G6PC1: variants seen among roughly 807,000 people sequenced by gnomAD.
G6PC1 encodes the protein glucose-6-phosphatase catalytic subunit 1, also known as G-6-Pase.
G6PC1 carries 23 observed loss-of-function variants against 30.4 expected under a neutral mutation model. That is an observed-to-expected ratio of 0.76 (90% CI 0.55 to 1.07). The LOEUF is 1.07. Ranked by LOEUF, G6PC1 falls within the 50% of genes least tolerant of loss-of-function variation. The probability of loss-of-function intolerance (pLI) is 0.00; values close to 1 mark genes in which losing one functional copy is unlikely to be tolerated. For missense variants in G6PC1, 391 were observed against 433.9 expected (o/e 0.90, Z 0.88); for synonymous variants, 163 against 175.6 (o/e 0.93, Z 0.57).
chr17:42,905,443 TACACACACACAC>T (rs748185736), intron 2 of G6PC1, among the ~76,000 whole-genome samples: 9 of 87,926 alleles, frequency 1.0e-4, no homozygotes, highest in African/African-American at 2.2e-4. Context: ...TATATATATA[TACACACACACAC>T]ACACACACAC....
chr17:42,905,429 A>AATAT (rs1555559451), intron 2 of G6PC1, among the ~76,000 whole-genome samples: 25 of 120,862 alleles, frequency 2.1e-4, no homozygotes, highest in African/African-American at 8.2e-4. Context: ...AAAAAAAAAA[A>AATAT]ATATATATAT....
Position 42,913,449 on chromosome 17 carries a change from T to TTTC in G6PC1, c.*2024_*2026dup, listed in dbSNP as rs1283919859. 6.6e-6 allele frequency: 1 copy of TTTC among 152,210 alleles called. No individual in the cohort carries two copies. Among genetic ancestry groups the TTTC allele is most frequent in the East Asian group, 1.9e-4 (1 of 5,204 alleles). The allele number at this position is 152,210 out of a possible 1,614,324, so 9.4% of individuals were successfully genotyped here. A position where few individuals can be genotyped will look rare whatever the true frequency, so the allele number is the denominator to read the frequency against. The stretch of plus-strand genomic sequence containing the variant: ...TAATTTGGTTTCTCTGTGCCTGCAT[T>TTTC]TTCCCTTTGGAGAAGAAAAGTGCTC... On this transcript the variant is annotated 3_prime_UTR_variant, in exon 5 of 5. Transcript: ENST00000253801.
At chr17:42,910,815 G>A in intron 4 of G6PC1, 100 bp from the exon 5 acceptor site, 1 of 1,141,736 alleles carries the variant, frequency 8.8e-7, no homozygotes. Flanking sequence ...TAATTCCACA[G>A]TCGCAGAACG....
chr17:42,903,526 C>A (rs1261895431), intron 1 of G6PC1, among the ~76,000 whole-genome samples: 4 of 151,272 alleles, frequency 2.6e-5, no homozygotes, highest in Admixed American at 6.6e-5. Flanking sequence ...CCAGCCTGGG[C>A]AACATGGTGA....
At chr17:42,904,200 A>C (rs1203085790) in intron 2 of G6PC1, 160 bp downstream of exon 2, 4 of 674,402 alleles carry the variant, frequency 5.9e-6, no homozygotes, top group Admixed American at 2.1e-5. Flanking sequence ...ACTTTCCTGA[A>C]TAGCACAGTA....
intron 2 of G6PC1, among the ~76,000 whole-genome samples, chr17:42,906,547 G>T (rs2151930818): frequency 6.6e-6 from 1 of 152,212 alleles, no homozygotes. Context: ...GCACATCTCA[G>T]GACCCTCTAT....
intron 2 of G6PC1, among the ~76,000 whole-genome samples, chr17:42,905,415 G>GAAAAAA (rs1241281428): frequency 3.3e-4 from 16 of 48,932 alleles, no homozygotes; most frequent in African/African-American, 1.2e-3. Context: ...GACACCATCT[G>GAAAAAA]AAAAAAAAAA....
At chr17:42,901,193 A>T in intron 1 of G6PC1, 87 bp downstream of exon 1, 1 of 1,174,958 alleles carries the variant, frequency 8.5e-7, no homozygotes, top group Non-Finnish European at 1.3e-6. Flanking sequence ...TGCTTTCCCC[A>T]GGCTATTCAG....
chr17:42,908,903 T>C (rs796820231), intron 3 of G6PC1, among the ~76,000 whole-genome samples: 9 of 151,628 alleles, frequency 5.9e-5, no homozygotes, highest in African/African-American at 1.9e-4. Flanking sequence ...GAGATGGGGT[T>C]TCACCTGTTG....
rs987462071 is a variant in G6PC1, at chr17:42,909,346, C to G, written c.490C>G (p.Leu164Val). The G allele has an allele frequency of 1.2e-6, 2 of 1,614,192 alleles. No homozygotes were observed. The highest frequency in any genetic ancestry group is 4.5e-5 in the East Asian group (2 of 44,892). The change falls in exon 4 of 5, where the codon CTG becomes GTG. Residue 164 changes from leucine (L) to valine (V), a missense_variant. Leu to Val is a conservative substitution (Grantham distance 32). Transcript: ENST00000253801. ...ILWLGFWAVQ[L>V]NVCLSRIYLA... is the part of the protein sequence containing the mutation. ...GTGGTTGGGATTCTGGGCTGTGCAG[C>G]TGAATGTCTGTCTGTCACGAATCTA... is the stretch of plus-strand genomic sequence containing the variant.
intron 3 of G6PC1, among the ~76,000 whole-genome samples, chr17:42,908,478 C>T (rs2056075371): frequency 6.6e-6 from 1 of 151,550 alleles, no homozygotes; most frequent in Non-Finnish European, 1.5e-5. Flanking sequence ...GCCATCTCGC[C>T]TCACTGCAAC....
At position 42,911,354 on chromosome 17, in the gene G6PC1, C is replaced by A. The variant is rs143991162; in HGVS notation, c.1002C>A (p.Pro334=). 1.2e-6 allele frequency: 2 copies of A among 1,614,158 alleles called. No homozygotes were observed. Among genetic ancestry groups the A allele is most frequent in the East Asian group, 2.2e-5 (1 of 44,888 alleles). Residue 334 remains proline (P), a synonymous_variant, in exon 5 of 5, where the codon CCC becomes CCA. Transcript: ENST00000253801. ...CCTTCTGCAAGAGTGCGGTAGTGCCCCTGGCATCCGTCAGTGTCATCCCCT... is the reference window on the plus strand; with the variant it reads ...CCTTCTGCAAGAGTGCGGTAGTGCCACTGGCATCCGTCAGTGTCATCCCCT... The part of the protein sequence containing the change: ...VLSFCKSAVV[P]LASVSVIPYC...
intron 1 of G6PC1, among the ~76,000 whole-genome samples, chr17:42,903,268 G>A (rs558286059): frequency 6.6e-5 from 10 of 151,918 alleles, no homozygotes; most frequent in African/African-American, 2.4e-4. Flanking sequence ...TTTTTTGGTA[G>A]AAACGGTGTT....
intron 3 of G6PC1, 75 bp from the exon 4 acceptor site, chr17:42,909,228 C>A: frequency 8.9e-7 from 1 of 1,128,858 alleles, no homozygotes. Flanking sequence ...CAGGCTCCAA[C>A]ATTTCTGCAG....
intron 2 of G6PC1, among the ~76,000 whole-genome samples, chr17:42,906,470 G>T (rs1022004644): frequency 2.0e-5 from 3 of 152,176 alleles, no homozygotes; most frequent in Admixed American, 6.5e-5. Flanking sequence ...AGAGCAGAAA[G>T]CCATCTACCA....
chr17:42,910,927 C>T lies in G6PC1; in HGVS notation c.575C>T (p.Ala192Val). The T allele has an allele frequency of 6.2e-7, 1 of 1,614,222 alleles. No homozygotes were observed. Among genetic ancestry groups the T allele is most frequent in the Non-Finnish European group, 8.5e-7 (1 of 1,180,026 alleles). ...TTCTTCCACTCAGGCATTGCTGTTGCAGAAACTTTCAGCCACATCCACAGC... is the reference window on the plus strand; with the variant it reads ...TTCTTCCACTCAGGCATTGCTGTTGTAGAAACTTTCAGCCACATCCACAGC... ...VAGVLSGIAV[A>V]ETFSHIHSIY... The change falls in exon 5 of 5, where the codon GCA (alanine) becomes GTA (valine). Residue 192 changes from alanine to valine, a missense_variant. Transcript: ENST00000253801.
rs531133071 is a variant in G6PC1 at position 42,905,060 on chromosome 17, C to T, written c.340+1020C>T. Among the ~76,000 whole-genome samples, 59 of 149,388 alleles carry T rather than the reference C, an allele frequency of 3.9e-4. No individual in the cohort carries two copies. The South Asian group carries it at 7.5e-3, about 19-fold the overall frequency. ...CTGGGAGGCAGAGGTTGCAGTGAAC[C>T]GAGATCGGACCACTGCACTCCAGCC... On this transcript the variant is annotated intron_variant, in intron 2 of 4. Coordinates refer to ENST00000253801, the MANE Select transcript of G6PC1 (RefSeq NM_000151.4).
In G6PC1 at chr17:42,900,883, G is replaced by A. The variant is rs2056020829; in HGVS notation, c.7G>A (p.Glu3Lys). ME[E>K]GMNVLHDFGI... ...AGGTGCCAAGGAAATGAGGATGGAG[G>A]AAGGAATGAATGTTCTCCATGACTT... is the stretch of plus-strand genomic sequence containing the variant. The change falls in exon 1 of 5, where the codon GAA becomes AAA. Residue 3 changes from glutamate to lysine, a missense_variant. By Grantham distance (56) the Glu-to-Lys change is moderately conservative (BLOSUM62 1). Coordinates refer to ENST00000253801, the MANE Select transcript of G6PC1 (RefSeq NM_000151.4). The A allele has an allele frequency of 1.9e-6, 3 of 1,613,494 alleles. No individual in the cohort carries two copies. Among genetic ancestry groups the A allele is most frequent in the African/African-American group, 2.7e-5 (2 of 74,910 alleles).
rs1284879909 is a variant in G6PC1, at chr17:42,912,453, G to A, written c.*1027G>A. 1 of 152,434 alleles carries A rather than the reference G, an allele frequency of 6.6e-6. No individual in the cohort carries two copies. Among genetic ancestry groups the A allele is most frequent in the Admixed American group, 6.6e-5 (1 of 15,262 alleles). 9.4% of individuals were successfully genotyped at this position (152,434 alleles called of 1,614,324 possible). A position where few individuals can be genotyped will look rare whatever the true frequency, so the allele number is the denominator to read the frequency against. On this transcript the variant is annotated 3_prime_UTR_variant, in exon 5 of 5. Coordinates refer to ENST00000253801, the MANE Select transcript of G6PC1 (RefSeq NM_000151.4). ...CTTCAGAAGGCTAGAGGGCGACTCT[G>A]GTGGTGCTTTTGTATGTTTCAATTA... is the stretch of plus-strand genomic sequence containing the variant.
Sources: allele counts gnomAD v4.1 joint callset (sites outside exome capture counted in the v4.1 genomes callset), GRCh38; gene constraint gnomAD v4.1.1; transcripts MANE v1.5; gene names NCBI Gene and HGNC (gene_info 2026-07-23, HGNC 2026-07-21).